SH3GL3: variants seen among roughly 807,000 people sequenced by gnomAD.
The protein encoded by SH3GL3 is endophilin-A3.
In SH3GL3, 33 loss-of-function variants were observed where a neutral mutation model predicts 47.7. That is an observed-to-expected ratio of 0.69 (90% CI 0.52 to 0.92). SH3GL3 has a LOEUF of 0.92. Among genes scored for constraint, SH3GL3 ranks in the 40% least tolerant of loss-of-function variants. The pLI, the probability that SH3GL3 is intolerant of heterozygous loss-of-function variation, is 0.00. For missense variants in SH3GL3, 363 were observed against 417.8 expected, an observed-to-expected ratio of 0.87 and a Z score of 1.14; for synonymous variants, 155 against 148.8, an observed-to-expected ratio of 1.04 and a Z score of -0.30.
At chr15:83,478,828 A>C (rs2041213046) in intron 1 of SH3GL3, among the ~76,000 whole-genome samples, 1 of 152,258 alleles carries the variant, frequency 6.6e-6, no homozygotes, top group African/African-American at 2.4e-5. Flanking sequence ...GGTGCTCAGC[A>C]CAGGGCTTGG....
At chr15:83,553,050 TGAACCTTGGAGCTCAA>T (rs1002308727) in intron 1 of SH3GL3, among the ~76,000 whole-genome samples, 2 of 152,126 alleles carry the variant, frequency 1.3e-5, no homozygotes, top group Non-Finnish European at 2.9e-5. Flanking sequence ...GAGGATCGCT[TGAACCTTGGAGCTCAA>T]GACCAGCCTG....
intron 1 of SH3GL3, among the ~76,000 whole-genome samples, chr15:83,460,797 T>C (rs2040255538): frequency 6.6e-6 from 1 of 152,110 alleles, no homozygotes; most frequent in Non-Finnish European, 1.5e-5. Flanking sequence ...TAAAATACGG[T>C]ACACAGGCCG....
intron 1 of SH3GL3, among the ~76,000 whole-genome samples, chr15:83,553,957 T>C (rs144647477): frequency 1.5e-3 from 228 of 152,280 alleles, no homozygotes; most frequent in African/African-American, 5.1e-3. Flanking sequence ...ATGTAATACT[T>C]TAGCATCACT....
intron 1 of SH3GL3, among the ~76,000 whole-genome samples, chr15:83,514,291 CA>C (rs2042891177): frequency 6.6e-6 from 1 of 152,122 alleles, no homozygotes; most frequent in South Asian, 2.1e-4. Context: ...CTCTGTTTTC[CA>C]AACCCACTTA....
chr15:83,549,791 C>A (rs1177445546), intron 1 of SH3GL3, among the ~76,000 whole-genome samples: 1 of 152,122 alleles, frequency 6.6e-6, no homozygotes, highest in Non-Finnish European at 1.5e-5. Context: ...ACAGTGTATT[C>A]CAATTTTTCT....
chr15:83,522,651 C>T (rs144372440), intron 1 of SH3GL3, among the ~76,000 whole-genome samples: 12 of 152,300 alleles, frequency 7.9e-5, no homozygotes, highest in Admixed American at 7.2e-4. Context: ...GTCATTATAG[C>T]TGCTTTTTGA....
intron 4 of SH3GL3, 136 bp from the exon 5 acceptor site, chr15:83,572,429 A>G (rs2059566239): frequency 1.5e-6 from 1 of 653,952 alleles, no homozygotes; most frequent in Non-Finnish European, 2.6e-6. Flanking sequence ...ATTCTGATCC[A>G]GGATTCAGAG....
At chr15:83,544,591 A>C (rs914649388) in intron 1 of SH3GL3, among the ~76,000 whole-genome samples, 5 of 152,104 alleles carry the variant, frequency 3.3e-5, no homozygotes, top group Admixed American at 6.5e-5. Flanking sequence ...TTACCAGTGA[A>C]TTTTGTTCCT....
At chr15:83,480,990 T>A (rs2041323649) in intron 1 of SH3GL3, among the ~76,000 whole-genome samples, 1 of 151,938 alleles carries the variant, frequency 6.6e-6, no homozygotes, top group Non-Finnish European at 1.5e-5. Flanking sequence ...GAGAAATAAT[T>A]CCTGGCTGTG....
intron 8 of SH3GL3, among the ~76,000 whole-genome samples, chr15:83,617,656 A>G (rs2151854384): frequency 6.6e-6 from 1 of 152,324 alleles, no homozygotes; most frequent in East Asian, 1.9e-4. Flanking sequence ...AGCCTGGGCA[A>G]CAGAGCAAGA....
At chr15:83,523,402 G>A (rs75250421) in intron 1 of SH3GL3, among the ~76,000 whole-genome samples, 2,777 of 152,232 alleles carry the variant, frequency 0.018, 81 homozygotes, top group African/African-American at 0.061. Context: ...TGGGCTGCCC[G>A]GGAAGGGTGT....
intron 1 of SH3GL3, chr15:83,490,721 T>A: frequency 6.5e-7 from 1 of 1,541,622 alleles, no homozygotes; most frequent in Non-Finnish European, 8.8e-7. Flanking sequence ...GGCAATATCA[T>A]CCTTTGGAAT....
chr15:83,523,583 A>G (rs2043294653), intron 1 of SH3GL3, among the ~76,000 whole-genome samples: 1 of 152,198 alleles, frequency 6.6e-6, no homozygotes, highest in African/African-American at 2.4e-5. Context: ...TCACATTAGC[A>G]GTTTTTGGCT....
chr15:83,505,128 C>T (rs2042443294), intron 1 of SH3GL3, among the ~76,000 whole-genome samples: 1 of 152,100 alleles, frequency 6.6e-6, no homozygotes, highest in Admixed American at 6.6e-5. Flanking sequence ...TTCTCCTGTT[C>T]GTGGTCATCG....
chr15:83,580,819 G>T (rs2732158), intron 6 of SH3GL3, among the ~76,000 whole-genome samples: 15,264 of 152,196 alleles, frequency 0.1, 896 homozygotes, highest in East Asian at 0.23. Context: ...ACCCTGCAGA[G>T]CCAGTGACTG....
At chr15:83,509,260 C>T (rs900816236) in intron 1 of SH3GL3, among the ~76,000 whole-genome samples, 2 of 152,222 alleles carry the variant, frequency 1.3e-5, no homozygotes, top group African/African-American at 2.4e-5. Context: ...TGCCCTGCCT[C>T]ATCTCACGGA....
chr15:83,576,815 G>A, intron 6 of SH3GL3, 74 bp downstream of exon 6: 1 of 1,067,564 alleles, frequency 9.4e-7, no homozygotes, highest in East Asian at 2.6e-5. Context: ...TGATCGGCAT[G>A]TTGAAAAACT....
intron 1 of SH3GL3, among the ~76,000 whole-genome samples, chr15:83,531,232 C>G (rs573156102): frequency 2.6e-5 from 4 of 152,216 alleles, no homozygotes; most frequent in Non-Finnish European, 5.9e-5. Flanking sequence ...AGACCCTGTC[C>G]CCAGGCATCT....
At chr15:83,547,891 A>G (rs76139653) in intron 1 of SH3GL3, among the ~76,000 whole-genome samples, 156 of 147,152 alleles carry the variant, frequency 1.1e-3, no homozygotes, top group African/African-American at 3.9e-3. Flanking sequence ...CTATGTTATT[A>G]TTTGTTTTCT....
Sources: gnomAD v4.1 joint callset for allele counts (sites outside exome capture counted in the v4.1 genomes callset) on GRCh38, gnomAD v4.1.1 for gene constraint, MANE v1.5 for transcripts, NCBI Gene and HGNC (gene_info 2026-07-23, HGNC 2026-07-21) for gene names.